The following HMGCLL1 variants were observed in gnomAD, a reference collection of about 807,000 sequenced individuals.
HMGCLL1 encodes 3-hydroxy-3-methylglutaryl-CoA lyase like 1, also known as 3-hydroxymethyl-3-methylglutaryl-CoA lyase, cytoplasmic.
In HMGCLL1, 36 loss-of-function variants were observed where a neutral mutation model predicts 39.1. That is an observed-to-expected ratio of 0.92 (90% CI 0.71 to 1.22). The LOEUF (loss-of-function observed/expected upper bound fraction) is 1.22. Ranked by LOEUF, HMGCLL1 falls within the 50% of genes most tolerant of loss-of-function variation. The pLI, the probability that HMGCLL1 is intolerant of heterozygous loss-of-function variation, is 0.00. For synonymous variants in HMGCLL1, 149 were observed against 144.0 expected (o/e 1.03, Z -0.25); for missense variants, 451 against 416.5 (o/e 1.08, Z -0.72).
the HMGCLL1 span, among the ~76,000 whole-genome samples, chr6:55,648,231 C>T: frequency 2.0e-5 from 3 of 150,100 alleles, no homozygotes; most frequent in African/African-American, 4.9e-5. Context: ...AATAAACATA[C>T]GTGTGCATGT....
At chr6:55,450,163 A>G in intron 7 of HMGCLL1, among the ~76,000 whole-genome samples, 1 of 152,188 alleles carries the variant, frequency 6.6e-6, no homozygotes, top group South Asian at 2.1e-4. Context: ...GCCAGGGTAG[A>G]AAACGTTTCT....
At chr6:55,660,094 G>A in the HMGCLL1 span, among the ~76,000 whole-genome samples, 1 of 151,884 alleles carries the variant, frequency 6.6e-6, no homozygotes, top group Non-Finnish European at 1.5e-5. Context: ...TCAATAATTG[G>A]TTTGTGAGCT....
At chr6:55,462,189 T>G (rs1238184043) in intron 7 of HMGCLL1, among the ~76,000 whole-genome samples, 1 of 152,184 alleles carries the variant, frequency 6.6e-6, no homozygotes, top group Admixed American at 6.5e-5. Flanking sequence ...TAAGAAAGAC[T>G]GCTTTCCTTC....
At chr6:55,469,198 A>G (rs530174492) in intron 7 of HMGCLL1, among the ~76,000 whole-genome samples, 17 of 151,100 alleles carry the variant, frequency 1.1e-4, no homozygotes, top group African/African-American at 3.9e-4. Context: ...AGAAAAACCT[A>G]CAAGATAGAG....
the HMGCLL1 span, among the ~76,000 whole-genome samples, chr6:55,641,366 G>T: frequency 6.6e-5 from 10 of 151,878 alleles, no homozygotes; most frequent in Admixed American, 6.6e-5. Flanking sequence ...GACCAAAAAG[G>T]TGGGCCCATT....
chr6:55,474,082 C>T (rs1293524461), intron 7 of HMGCLL1, among the ~76,000 whole-genome samples: 3 of 151,476 alleles, frequency 2.0e-5, no homozygotes, highest in Non-Finnish European at 4.4e-5. Context: ...ATATGCCTAG[C>T]TATTGATTTT....
chr6:55,446,691 C>T (rs1244880003), intron 7 of HMGCLL1, among the ~76,000 whole-genome samples: 2 of 151,932 alleles, frequency 1.3e-5, no homozygotes, highest in Non-Finnish European at 2.9e-5. Flanking sequence ...AAAGTACCAT[C>T]ACAACTTTTT....
intron 7 of HMGCLL1, among the ~76,000 whole-genome samples, chr6:55,478,691 A>T (rs1765581696): frequency 1.3e-5 from 2 of 151,398 alleles, no homozygotes. Flanking sequence ...TTTCTCTATA[A>T]TATAGCAAAA....
At chr6:55,563,754 C>A in intron 1 of HMGCLL1, 1 of 597,654 alleles carries the variant, frequency 1.7e-6, no homozygotes, top group Admixed American at 2.8e-5. Flanking sequence ...AAATTAATGA[C>A]AAGGATCATA....
Position 55,492,980 on chromosome 6 carries a change from C to T in HMGCLL1, c.795+2439G>A, listed in dbSNP as rs374040331. 6.1e-4 allele frequency among the ~76,000 whole-genome samples: 93 copies of T among 152,008 alleles called. 1 individual carries two copies. The Middle Eastern group carries it at 0.017, about 28-fold the overall frequency. On this transcript the variant is annotated intron_variant, in intron 7 of 8. Coordinates refer to ENST00000274901, the MANE Select transcript of HMGCLL1 (RefSeq NM_001042406.2). ...CTCCCCTCACACACACACACGTGCACAGAAACACACAGATCTCAAATAGTT... is the reference window on the plus strand; with the variant it reads ...CTCCCCTCACACACACACACGTGCATAGAAACACACAGATCTCAAATAGTT...
At chr6:55,563,103 G>A (rs921512967) in intron 1 of HMGCLL1, among the ~76,000 whole-genome samples, 4 of 151,848 alleles carry the variant, frequency 2.6e-5, no homozygotes, top group Non-Finnish European at 4.4e-5. Flanking sequence ...ATGCACACAC[G>A]GTGATATATA....
chr6:55,548,629 T>C (rs970926063), intron 1 of HMGCLL1, among the ~76,000 whole-genome samples: 3 of 152,016 alleles, frequency 2.0e-5, no homozygotes, highest in African/African-American at 7.2e-5. Context: ...ATTCCATTTT[T>C]TTAAAAGTAG....
At chr6:55,513,020 T>C (rs990624300) in intron 5 of HMGCLL1, 1 of 152,112 alleles carries the variant, frequency 6.6e-6, no homozygotes, top group Non-Finnish European at 1.5e-5. Flanking sequence ...GAGGCAACTA[T>C]TGGTCCTGGA....
intron 7 of HMGCLL1, among the ~76,000 whole-genome samples, chr6:55,479,964 C>T (rs558300788): frequency 1.3e-5 from 2 of 151,502 alleles, no homozygotes; most frequent in South Asian, 4.1e-4. Flanking sequence ...ACATTTTTTT[C>T]CTTCAAAAAT....
chr6:55,451,570 CAAAAACAAAAACA>C (rs1462601828), intron 7 of HMGCLL1, among the ~76,000 whole-genome samples: 9 of 119,756 alleles, frequency 7.5e-5, no homozygotes, highest in South Asian at 2.7e-4. Flanking sequence ...AAAACAAAAA[CAAAAACAAAAACA>C]AAAAAAGTCA....
chr6:55,450,640 G>A (rs1357793554), intron 7 of HMGCLL1, among the ~76,000 whole-genome samples: 1 of 152,084 alleles, frequency 6.6e-6, no homozygotes, highest in African/African-American at 2.4e-5. Flanking sequence ...AAGTTGAGGG[G>A]GGTATGTGAA....
intron 1 of HMGCLL1, among the ~76,000 whole-genome samples, chr6:55,559,569 G>A (rs906070126): frequency 1.3e-5 from 2 of 152,176 alleles, no homozygotes; most frequent in African/African-American, 4.8e-5. Flanking sequence ...AGGGGCACAA[G>A]AAGGAGCGTG....
the HMGCLL1 span, among the ~76,000 whole-genome samples, chr6:55,626,793 A>G: frequency 6.6e-6 from 1 of 151,996 alleles, no homozygotes; most frequent in Non-Finnish European, 1.5e-5. Context: ...GGCTCCTCCT[A>G]CCTTTCAGTC....
chr6:55,671,171 G>C, the HMGCLL1 span, among the ~76,000 whole-genome samples: 1 of 151,768 alleles, frequency 6.6e-6, no homozygotes, highest in Non-Finnish European at 1.5e-5. Context: ...CTGAAGCAGT[G>C]AATAGGATGA....
Sources: allele counts gnomAD v4.1 joint callset (sites outside exome capture counted in the v4.1 genomes callset), GRCh38; gene constraint gnomAD v4.1.1; transcripts MANE v1.5; gene names NCBI Gene and HGNC (gene_info 2026-07-23, HGNC 2026-07-21).